MGAT1: variants seen among roughly 807,000 people sequenced by gnomAD.
The protein encoded by MGAT1 is N-glycosyl-oligosaccharide-glycoprotein N-acetylglucosaminyltransferase I.
Under a neutral mutation model 31.7 loss-of-function variants are expected in MGAT1, and 14 were observed. The observed-to-expected ratio is 0.44, with a 90% CI of 0.29 to 0.69. The LOEUF (loss-of-function observed/expected upper bound fraction) is 0.69. Among genes scored for constraint, MGAT1 ranks in the 30% least tolerant of loss-of-function variants. The pLI, the probability that MGAT1 is intolerant of heterozygous loss-of-function variation, is 0.12. For synonymous variants in MGAT1, 338 were observed against 276.0 expected, an observed-to-expected ratio of 1.22 and a Z score of -2.23; for missense variants, 557 against 626.0, an observed-to-expected ratio of 0.89 and a Z score of 1.18.
intron 1 of MGAT1, 28 bp from the exon 2 acceptor site, chr5:180,793,125 G>T: frequency 2.2e-6 from 2 of 912,702 alleles, no homozygotes; most frequent in South Asian, 1.8e-5. Context: ...AAAGCAAACC[G>T]TCACACAAAG....
chr5:180,810,130 G>A (rs1433454694), intron 1 of MGAT1: 1 of 145,006 alleles, frequency 6.9e-6, no homozygotes, highest in Admixed American at 6.9e-5. Flanking sequence ...CGCTGGCCCA[G>A]GCCCCACCCC....
Position 180,793,030 on chromosome 5 carries a change from C to T in MGAT1, c.-59G>A, listed in dbSNP as rs1340623770. The T allele has an allele frequency of 6.3e-7, 1 of 1,596,538 alleles. No homozygotes were observed. ...CGGTTCAAGGCTGCCCTGGGCTTGC[C>T]CGGCTCCCTTGCCCGCAGTCCTAGG... On this transcript the variant is annotated 5_prime_UTR_variant, in exon 2 of 2. Coordinates refer to ENST00000307826, the MANE Select transcript of MGAT1 (RefSeq NM_002406.4).
At position 180,786,780 on chromosome 5, in the gene MGAT1, C is replaced by A. The variant is rs1174714687; in HGVS notation, c.*4854G>T. 1.3e-5 allele frequency: 2 copies of A among 152,464 alleles called. No homozygotes were observed. The highest frequency in any genetic ancestry group is 4.8e-5 in the African/African-American group (2 of 41,464). The allele number at this position is 152,464 out of a possible 1,614,324, so 9.4% of individuals were successfully genotyped here. ...GGAGGAACCCCCACACCAGCCTGCA[C>A]CATCGACCTCTCATTTCCGTCCGGC... is the stretch of plus-strand genomic sequence containing the variant. On this transcript the variant is annotated 3_prime_UTR_variant, in exon 2 of 2. Coordinates refer to ENST00000307826, the MANE Select transcript of MGAT1 (RefSeq NM_002406.4).
upstream of MGAT1, among the ~76,000 whole-genome samples, chr5:180,806,257 G>T (rs562814888): frequency 5.3e-5 from 8 of 152,258 alleles, no homozygotes; most frequent in South Asian, 6.2e-4. Context: ...CTGCACTCCA[G>T]CCTGGCGACA....
Position 180,792,858 on chromosome 5 carries a change from G to C in MGAT1, c.114C>G (p.Pro38=). 6.3e-7 allele frequency: 1 copy of C among 1,576,678 alleles called. No homozygotes were observed. ...FWTRPAPGRP[P]SVSALDGDPA... is the part of the protein sequence containing the mutation. The stretch of plus-strand genomic sequence containing the variant: ...GGTCGCCATCGAGAGCGCTGACTGA[G>C]GGTGGCCTGCCAGGTGCTGGGCGCG... Residue 38 remains proline (P), a synonymous_variant, in exon 2 of 2, where the codon CCC becomes CCG. Transcript: ENST00000307826.
chr5:180,798,923 G>A (rs1309515368), intron 1 of MGAT1, among the ~76,000 whole-genome samples: 1 of 152,194 alleles, frequency 6.6e-6, no homozygotes, highest in Non-Finnish European at 1.5e-5. Context: ...GAAGTACAAA[G>A]TTACTCATTG....
Position 180,791,433 on chromosome 5 carries a change from A to C in MGAT1, c.*201T>G. ...TTAATACCCCGCAACATACCCTAGA[A>C]TAGTTCCCCTGATCTGACTCCCTTG... On this transcript the variant is annotated 3_prime_UTR_variant, in exon 2 of 2. Coordinates refer to ENST00000307826, the MANE Select transcript of MGAT1 (RefSeq NM_002406.4). 1.5e-6 allele frequency: 1 copy of C among 687,656 alleles called. No individual in the cohort carries two copies. The highest frequency in any genetic ancestry group is 4.1e-4 in the Middle Eastern group (1 of 2,444). The allele number at this position is 687,656 out of a possible 1,614,324, so 42.6% of individuals were successfully genotyped here.
chr5:180,807,868 ACTC>A (rs1772057309), intron 2 of MGAT1, among the ~76,000 whole-genome samples: 1 of 152,126 alleles, frequency 6.6e-6, no homozygotes, highest in Admixed American at 6.5e-5. Flanking sequence ...AGAAAACAGA[ACTC>A]CTGACTCAGA....
In MGAT1 at chr5:180,801,927, G is replaced by A. The variant is rs531555416; in HGVS notation, c.-127+753C>T. Among the ~76,000 whole-genome samples, 18 of 152,366 alleles carry A rather than the reference G, an allele frequency of 1.2e-4. 1 individual carries two copies. Among genetic ancestry groups the A allele is most frequent in the African/African-American group, 4.1e-4 (17 of 41,586 alleles). On this transcript the variant is annotated intron_variant, in intron 1 of 1. Coordinates refer to ENST00000307826, the MANE Select transcript of MGAT1 (RefSeq NM_002406.4). ...GGTCCCCAGAATTGGGAAGGACCAGGACGCAGTGATTGCTGATGGAAGGCA... is the reference window on the plus strand; with the variant it reads ...GGTCCCCAGAATTGGGAAGGACCAGAACGCAGTGATTGCTGATGGAAGGCA...
chr5:180,802,919 G>A (rs1174848000), upstream of MGAT1: 2 of 108,030 alleles, frequency 1.9e-5, no homozygotes, highest in East Asian at 2.8e-4. Context: ...CCCGCCCCCC[G>A]GCCGGCGTCC....
At chr5:180,798,109 G>C (rs934351037) in intron 1 of MGAT1, among the ~76,000 whole-genome samples, 4 of 152,208 alleles carry the variant, frequency 2.6e-5, no homozygotes, top group Non-Finnish European at 5.9e-5. Flanking sequence ...CAGCCCAGAG[G>C]CATCACCCTA....
At chr5:180,809,354 T>C (rs1225977087) in intron 1 of MGAT1, 1 of 152,132 alleles carries the variant, frequency 6.6e-6, no homozygotes, top group Non-Finnish European at 1.5e-5. Context: ...GGATAAAAGA[T>C]GGATCGTACC....
intron 1 of MGAT1, among the ~76,000 whole-genome samples, chr5:180,800,170 T>C (rs1194394034): frequency 6.6e-6 from 1 of 152,222 alleles, no homozygotes. Context: ...AGACTCTAGA[T>C]AATCTTGACA....
At chr5:180,808,214 C>T (rs1396219431) in intron 2 of MGAT1, among the ~76,000 whole-genome samples, 1 of 152,186 alleles carries the variant, frequency 6.6e-6, no homozygotes, top group Non-Finnish European at 1.5e-5. Flanking sequence ...GTTATCTAGA[C>T]CATTCCCGCC....
chr5:180,792,351 C>G lies in MGAT1; in HGVS notation c.621G>C (p.Val207=). ...GGGCCACCTCCAGGTCATCCTCCAC[C>G]ACCACGGCCGCGGGGAAGCGAAACT... is the stretch of plus-strand genomic sequence containing the variant. The part of the protein sequence containing the change: ...FRQFRFPAAV[V]VEDDLEVAPD... Residue 207 remains valine, a synonymous_variant, in exon 2 of 2, where the codon GTG becomes GTC. Coordinates refer to ENST00000307826, the MANE Select transcript of MGAT1 (RefSeq NM_002406.4). The G allele has an allele frequency of 6.2e-7, 1 of 1,611,276 alleles. No individual in the cohort carries two copies. Among genetic ancestry groups the G allele is most frequent in the Non-Finnish European group, 8.5e-7 (1 of 1,178,450 alleles).
chr5:180,796,605 C>T (rs1769431305), intron 1 of MGAT1, among the ~76,000 whole-genome samples: 1 of 151,926 alleles, frequency 6.6e-6, no homozygotes, highest in South Asian at 2.1e-4. Flanking sequence ...AAAAGAGTTT[C>T]AGTTTTTTTT....
At chr5:180,793,164 G>A in intron 1 of MGAT1, 67 bp from the exon 2 acceptor site, 1 of 680,854 alleles carries the variant, frequency 1.5e-6, no homozygotes, top group Non-Finnish European at 2.4e-6. Flanking sequence ...CACAGGTAGA[G>A]GAAATGGGGG....
intron 1 of MGAT1, among the ~76,000 whole-genome samples, chr5:180,813,516 C>A (rs905661907): frequency 6.6e-5 from 10 of 152,104 alleles, no homozygotes; most frequent in African/African-American, 2.2e-4. Context: ...CAGTAGTCAC[C>A]GCTAGCTGGG....
Position 180,786,095 on chromosome 5 carries a change from C to G in MGAT1, c.*5539G>C, listed in dbSNP as rs1767550064. 6.6e-6 allele frequency: 1 copy of G among 152,330 alleles called. No homozygotes were observed. Among genetic ancestry groups the G allele is most frequent in the South Asian group, 2.1e-4 (1 of 4,832 alleles). 9.4% of individuals were successfully genotyped at this position (152,330 alleles called of 1,614,324 possible). On this transcript the variant is annotated 3_prime_UTR_variant, in exon 2 of 2. Coordinates refer to ENST00000307826, the MANE Select transcript of MGAT1 (RefSeq NM_002406.4). Reference sequence around the variant, plus strand: ...GAACCAGGGCAGCATTTGCTGTGAGCTGGGAGCCATGTGTTGAAGACGGCG... The same window carrying G: ...GAACCAGGGCAGCATTTGCTGTGAGGTGGGAGCCATGTGTTGAAGACGGCG...
Sources: gnomAD v4.1 joint callset for allele counts (sites outside exome capture counted in the v4.1 genomes callset) on GRCh38, gnomAD v4.1.1 for gene constraint, MANE v1.5 for transcripts, NCBI Gene and HGNC (gene_info 2026-07-23, HGNC 2026-07-21) for gene names.